The following KCNQ5 variants were observed in gnomAD, a reference collection of about 807,000 sequenced individuals.
The protein encoded by KCNQ5 is potassium voltage-gated channel subfamily KQT member 5.
A neutral mutation model predicts 98.2 loss-of-function variants in KCNQ5; 30 were observed. The observed-to-expected ratio is 0.31, with a 90% CI of 0.23 to 0.41. The LOEUF is 0.41. Among genes scored for constraint, KCNQ5 ranks in the 10% least tolerant of loss-of-function variants. KCNQ5 has a pLI of 1.00. For synonymous variants in KCNQ5, 458 were observed against 449.4 expected (o/e 1.02, Z -0.24); for missense variants, 835 against 1,182.5 (o/e 0.71, Z 4.31).
chr6:73,031,879 C>A (rs1771166161), intron 2 of KCNQ5, among the ~76,000 whole-genome samples: 1 of 152,116 alleles, frequency 6.6e-6, no homozygotes, highest in African/African-American at 2.4e-5. Context: ...AATCAAGGGA[C>A]CTCCCAGTAT....
At chr6:73,148,882 C>G (rs1777026147) in intron 10 of KCNQ5, among the ~76,000 whole-genome samples, 1 of 152,148 alleles carries the variant, frequency 6.6e-6, no homozygotes, top group Non-Finnish European at 1.5e-5. Flanking sequence ...GTGTGCAGTT[C>G]TGGTCACCTC....
intron 1 of KCNQ5, among the ~76,000 whole-genome samples, chr6:72,648,198 A>G (rs1765696822): frequency 6.6e-6 from 1 of 152,166 alleles, no homozygotes; most frequent in African/African-American, 2.4e-5. Flanking sequence ...TGAGCCTTTG[A>G]CGTTGGAAGA....
At chr6:72,943,271 T>G (rs1280194322) in intron 1 of KCNQ5, among the ~76,000 whole-genome samples, 2 of 152,208 alleles carry the variant, frequency 1.3e-5, no homozygotes, top group African/African-American at 2.4e-5. Flanking sequence ...AAGCTATTGT[T>G]GAGGATCTAC....
chr6:73,175,636 A>G (rs1376659282), intron 11 of KCNQ5, among the ~76,000 whole-genome samples: 1 of 152,230 alleles, frequency 6.6e-6, no homozygotes, highest in Non-Finnish European at 1.5e-5. Context: ...AAGCCTGACT[A>G]TAGACTCTTT....
chr6:73,177,062 A>G (rs931431099), intron 11 of KCNQ5, among the ~76,000 whole-genome samples: 1 of 152,210 alleles, frequency 6.6e-6, no homozygotes, highest in African/African-American at 2.4e-5. Flanking sequence ...GTGACAGAAG[A>G]GAAGCCAGAG....
intron 9 of KCNQ5, among the ~76,000 whole-genome samples, chr6:73,127,323 T>C (rs1441822606): frequency 2.0e-5 from 3 of 152,218 alleles, no homozygotes; most frequent in Admixed American, 1.3e-4. Context: ...GAGTTATTGA[T>C]GGTGAGTCAG....
chr6:73,072,939 T>C (rs1055736645), intron 3 of KCNQ5, among the ~76,000 whole-genome samples: 1 of 152,182 alleles, frequency 6.6e-6, no homozygotes, highest in Non-Finnish European at 1.5e-5. Flanking sequence ...CCTTGTTTAT[T>C]AGCAGTTCTA....
intron 2 of KCNQ5, among the ~76,000 whole-genome samples, chr6:73,035,989 G>GTGTGTGTT (rs1771401005): frequency 3.0e-5 from 1 of 33,506 alleles, no homozygotes; most frequent in Admixed American, 2.6e-4. Flanking sequence ...ATACATTTGT[G>GTGTGTGTT]TGTGTGTGTG....
chr6:73,123,043 T>C (rs1462602271), intron 8 of KCNQ5, among the ~76,000 whole-genome samples: 1 of 151,960 alleles, frequency 6.6e-6, no homozygotes. Flanking sequence ...TATTCAGTCA[T>C]GTATGCATTC....
At chr6:72,624,063 C>T (rs919300892) in intron 1 of KCNQ5, among the ~76,000 whole-genome samples, 7 of 152,152 alleles carry the variant, frequency 4.6e-5, no homozygotes, top group South Asian at 2.1e-4. Context: ...CAGAATATTC[C>T]AGCCAACTTT....
intron 1 of KCNQ5, among the ~76,000 whole-genome samples, chr6:72,984,971 G>A (rs1307008413): frequency 1.3e-5 from 2 of 150,624 alleles, no homozygotes; most frequent in African/African-American, 2.5e-5. Flanking sequence ...CTTTGTGAGG[G>A]CAATGCAGGA....
At chr6:72,639,218 A>C (rs1049397074) in intron 1 of KCNQ5, among the ~76,000 whole-genome samples, 3 of 152,248 alleles carry the variant, frequency 2.0e-5, no homozygotes, top group African/African-American at 7.2e-5. Context: ...GGGACAAAGA[A>C]GAGAAAAACT....
intron 1 of KCNQ5, among the ~76,000 whole-genome samples, chr6:72,970,753 A>T (rs1767850561): frequency 6.6e-6 from 1 of 152,234 alleles, no homozygotes; most frequent in Non-Finnish European, 1.5e-5. Flanking sequence ...TGGGGAAAGG[A>T]TTCCCTATTT....
At chr6:73,076,309 G>A (rs1351232269) in intron 3 of KCNQ5, among the ~76,000 whole-genome samples, 1 of 152,154 alleles carries the variant, frequency 6.6e-6, no homozygotes, top group Admixed American at 6.5e-5. Flanking sequence ...CTCCTCTTTG[G>A]AGTGTGGAAG....
At chr6:72,711,724 A>G (rs1356873910) in intron 1 of KCNQ5, among the ~76,000 whole-genome samples, 1 of 152,204 alleles carries the variant, frequency 6.6e-6, no homozygotes, top group African/African-American at 2.4e-5. Context: ...TGGGAAGGTG[A>G]CAGTGGAGTT....
intron 1 of KCNQ5, among the ~76,000 whole-genome samples, chr6:72,810,557 G>A (rs1775191744): frequency 6.6e-6 from 1 of 152,174 alleles, no homozygotes; most frequent in Non-Finnish European, 1.5e-5. Context: ...CATTAGCAGG[G>A]AAACTTTCTA....
At chr6:72,695,552 A>C (rs898219515) in intron 1 of KCNQ5, among the ~76,000 whole-genome samples, 3 of 152,286 alleles carry the variant, frequency 2.0e-5, no homozygotes, top group Non-Finnish European at 4.4e-5. Flanking sequence ...AAATGTTCAC[A>C]CAATGACAAA....
chr6:72,809,818 G>A (rs1271352261), intron 1 of KCNQ5, among the ~76,000 whole-genome samples: 1 of 152,180 alleles, frequency 6.6e-6, no homozygotes, highest in Non-Finnish European at 1.5e-5. Flanking sequence ...AAAGTTCACA[G>A]ATGTGCCCTC....
chr6:73,129,813 A>G (rs1776150430), intron 9 of KCNQ5: 1 of 1,613,186 alleles, frequency 6.2e-7, no homozygotes, highest in Non-Finnish European at 8.5e-7. Context: ...AGTAATAAGC[A>G]GAAGCTCTTC....
Sources: gnomAD v4.1 joint callset for allele counts (sites outside exome capture counted in the v4.1 genomes callset) on GRCh38, gnomAD v4.1.1 for gene constraint, MANE v1.5 for transcripts, NCBI Gene and HGNC (gene_info 2026-07-23, HGNC 2026-07-21) for gene names.